SASH1: variants seen among roughly 807,000 people sequenced by gnomAD.
SASH1 encodes SAM and SH3 domain-containing protein 1.
Under a neutral mutation model 125.2 loss-of-function variants are expected in SASH1, and 44 were observed. The observed-to-expected ratio is 0.35, with a 90% confidence interval of 0.28 to 0.45. The LOEUF is 0.45. Among genes scored for constraint, SASH1 ranks in the 20% least tolerant of loss-of-function variants. The probability of loss-of-function intolerance (pLI) is 1.00; values close to 1 mark genes in which losing one functional copy is unlikely to be tolerated. For missense variants in SASH1, 1,426 were observed against 1,614.5 expected, an observed-to-expected ratio of 0.88 and a Z score of 2.00; for synonymous variants, 639 against 649.1, an observed-to-expected ratio of 0.98 and a Z score of 0.24.
intron 1 of SASH1, among the ~76,000 whole-genome samples, chr6:148,369,966 CAAAAAAAAAAA>C (rs562924566): frequency 1.1e-5 from 1 of 93,586 alleles, no homozygotes; most frequent in Non-Finnish European, 2.0e-5. Flanking sequence ...AAAAGAAAAA[CAAAAAAAAAAA>C]AAAAAAAAAG....
chr6:148,310,954 TG>T lies in SASH1; in HGVS notation n.74+38578del, dbSNP rs1417768996. Among the ~76,000 whole-genome samples the T allele has an allele frequency of 6.2e-4, 94 of 152,316 alleles. No individual in the cohort carries two copies. The Middle Eastern group carries it at 0.017, about 28-fold the overall frequency. On this transcript the variant is annotated intron_variant and non_coding_transcript_variant, in intron 1 of 3. Transcript: ENST00000367469. Reference sequence around the variant, plus strand: ...TTGTTTGTTTTGCTTTGTTTTGTTTTGTTTTTTTGAGCTAGGGTCTCATTAT... The same window carrying T: ...TTGTTTGTTTTGCTTTGTTTTGTTTTTTTTTTTGAGCTAGGGTCTCATTAT...
intron 1 of SASH1, among the ~76,000 whole-genome samples, chr6:148,329,512 G>A (rs1780927339): frequency 6.6e-6 from 1 of 152,184 alleles, no homozygotes; most frequent in African/African-American, 2.4e-5. Context: ...GAAACTCATT[G>A]AAGACATTGC....
At chr6:148,407,314 A>G (rs1216811689) in intron 2 of SASH1, among the ~76,000 whole-genome samples, 1 of 152,194 alleles carries the variant, frequency 6.6e-6, no homozygotes, top group Non-Finnish European at 1.5e-5. Flanking sequence ...TACCTCCTGT[A>G]AGTGGAATTA....
chr6:148,346,463 T>C (rs1223435589), intron 1 of SASH1, among the ~76,000 whole-genome samples: 2 of 142,452 alleles, frequency 1.4e-5, no homozygotes, highest in Non-Finnish European at 3.0e-5. Flanking sequence ...TAAATGGATA[T>C]AGAATTAAGA....
intron 8 of SASH1, chr6:148,508,811 G>A: frequency 1.4e-6 from 1 of 714,000 alleles, no homozygotes; most frequent in Non-Finnish European, 2.1e-6. Flanking sequence ...TCTCCGAGTG[G>A]GGAGGGGGGT....
chr6:148,537,833 GT>G (rs1781957542), intron 16 of SASH1, among the ~76,000 whole-genome samples: 1 of 100,758 alleles, frequency 9.9e-6, no homozygotes, highest in Non-Finnish European at 2.2e-5. Flanking sequence ...TGTGTGTGTG[GT>G]TGGTGAGGCT....
Position 148,544,646 on chromosome 6 carries a change from C to A in SASH1, c.3176C>A (p.Pro1059His), listed in dbSNP as rs761671851. ...PGSPPSTRPP[P>H]WLSELPENTS... is the part of the protein sequence containing the mutation. ...AGCCCACCAAGCACAAGGCCGCCCC[C>A]CTGGCTCTCAGAGCTCCCCGAGAAC... Residue 1059 changes from proline (P) to histidine (H), a missense_variant, in exon 18 of 20, where the codon CCC (proline) becomes CAC (histidine). Coordinates refer to ENST00000367467, the MANE Select transcript of SASH1 (RefSeq NM_015278.5). The surrounding 1 kb of genome is among the most constrained non-coding windows in gnomAD (Gnocchi z 6.4). 2 of 1,613,498 alleles carry A rather than the reference C, an allele frequency of 1.2e-6. No individual in the cohort carries two copies. Among genetic ancestry groups the A allele is most frequent in the Admixed American group, 1.7e-5 (1 of 59,990 alleles).
chr6:148,329,636 GTA>G (rs769378899), intron 1 of SASH1, among the ~76,000 whole-genome samples: 3 of 152,136 alleles, frequency 2.0e-5, no homozygotes, highest in Non-Finnish European at 4.4e-5. Context: ...GTGTGAGTGT[GTA>G]TGTGTGTGTG....
At chr6:148,251,321 C>T in the SASH1 span, among the ~76,000 whole-genome samples, 1 of 152,086 alleles carries the variant, frequency 6.6e-6, no homozygotes, top group Non-Finnish European at 1.5e-5. Context: ...CCTTTTTGTC[C>T]AATCAGAATT....
intron 4 of SASH1, among the ~76,000 whole-genome samples, chr6:148,461,661 G>A (rs1169501269): frequency 6.6e-6 from 1 of 152,130 alleles, no homozygotes; most frequent in Non-Finnish European, 1.5e-5. Context: ...TGTCTCTCTG[G>A]CATCATCCAA....
At position 148,392,519 on chromosome 6, in the gene SASH1, A is replaced by G. The variant is rs193136660; in HGVS notation, c.285+2257A>G. Among the ~76,000 whole-genome samples the G allele has an allele frequency of 5.5e-4, 84 of 152,308 alleles. No homozygotes were observed. In the East Asian group the frequency reaches 0.016, roughly 28 times the overall value. On this transcript the variant is annotated intron_variant, in intron 2 of 19. Transcript: ENST00000367467. ...CAAGGGACTCAGCAAGTGGTTGGGT[A>G]CCACTGCCCTATATTGTGCAAGTGA...
chr6:148,358,733 G>GTTTTTTT lies in SASH1; in HGVS notation c.156+15524_156+15530dup, dbSNP rs10673654. 4.0e-3 allele frequency among the ~76,000 whole-genome samples: 484 copies of GTTTTTTT among 120,802 alleles called. 10 individuals are homozygous for GTTTTTTT. Among genetic ancestry groups the GTTTTTTT allele is most frequent in the Middle Eastern group, 5.9e-3 (1 of 170 alleles). The allele number at this position is 120,802 out of a possible 152,430, so 79.3% of individuals were successfully genotyped here. A position where few individuals can be genotyped will look rare whatever the true frequency, so the allele number is the denominator to read the frequency against. ...TCCTGTTTCCTAATGCCATGTTTTT[G>GTTTTTTT]TTTTTTTTTTTTTTTTTTTTGAGAC... is the stretch of plus-strand genomic sequence containing the variant. On this transcript the variant is annotated intron_variant, in intron 1 of 19. Coordinates refer to ENST00000367467, the MANE Select transcript of SASH1 (RefSeq NM_015278.5).
intron 1 of SASH1, among the ~76,000 whole-genome samples, chr6:148,364,098 T>C (rs1461157494): frequency 6.6e-6 from 1 of 152,138 alleles, no homozygotes; most frequent in East Asian, 1.9e-4. Flanking sequence ...CAGCCCATCC[T>C]GTTGGTAAAG....
intron 9 of SASH1, among the ~76,000 whole-genome samples, chr6:148,514,852 A>G (rs527434346): frequency 2.6e-5 from 4 of 152,366 alleles, no homozygotes; most frequent in African/African-American, 9.6e-5. Flanking sequence ...TTTCATGTAC[A>G]TACATTTTGA....
the SASH1 span, among the ~76,000 whole-genome samples, chr6:148,223,877 A>G: frequency 6.6e-6 from 1 of 152,338 alleles, no homozygotes; most frequent in East Asian, 1.9e-4. Context: ...AGCCTCAATA[A>G]TCTATACTGC....
At chr6:148,295,425 C>G (rs1188840065) in intron 1 of SASH1, among the ~76,000 whole-genome samples, 1 of 152,166 alleles carries the variant, frequency 6.6e-6, no homozygotes, top group African/African-American at 2.4e-5. Context: ...AATCAACAAT[C>G]AAGGCATTTT....
At chr6:148,547,242 C>T (rs1332197585) in intron 19 of SASH1, among the ~76,000 whole-genome samples, 1 of 152,194 alleles carries the variant, frequency 6.6e-6, no homozygotes, top group Non-Finnish European at 1.5e-5. Context: ...AATGCAAGTA[C>T]TGCATTACCG....
rs1782249366 is a variant in SASH1 at position 148,541,985 on chromosome 6, A to AT, written c.2209+1430dup. On this transcript the variant is annotated intron_variant, in intron 17 of 19. Coordinates refer to ENST00000367467, the MANE Select transcript of SASH1 (RefSeq NM_015278.5). ...AAACATCAGAATCCTTATGTAGCTC[A>AT]TGTAGGTTCTGAAGAATTTTTTTTT... is the stretch of plus-strand genomic sequence containing the variant. 2.0e-5 allele frequency among the ~76,000 whole-genome samples: 3 copies of AT among 152,198 alleles called. No homozygotes were observed. The East Asian group carries it at 5.8e-4, about 29-fold the overall frequency.
chr6:148,328,516 C>A (rs1444974998), intron 1 of SASH1, among the ~76,000 whole-genome samples: 1 of 151,904 alleles, frequency 6.6e-6, no homozygotes, highest in Non-Finnish European at 1.5e-5. Flanking sequence ...TTGCTTGAAC[C>A]CGGGAGGTGG....
Sources: allele counts gnomAD v4.1 joint callset (sites outside exome capture counted in the v4.1 genomes callset), GRCh38; gene constraint gnomAD v4.1.1; non-coding constraint Gnocchi (gnomAD v3.1); transcripts MANE v1.5; gene names NCBI Gene and HGNC (gene_info 2026-07-23, HGNC 2026-07-21).